CDH13: variants seen among roughly 807,000 people sequenced by gnomAD.
The protein encoded by CDH13 is cadherin-13.
A neutral mutation model predicts 63.8 loss-of-function variants in CDH13; 24 were observed. The observed-to-expected ratio is 0.38, with a 90% CI of 0.27 to 0.53. The LOEUF (loss-of-function observed/expected upper bound fraction) is 0.53. Among genes scored for constraint, CDH13 ranks in the 20% least tolerant of loss-of-function variants. The probability of loss-of-function intolerance (pLI) is 0.85; values close to 1 mark genes in which losing one functional copy is unlikely to be tolerated. For synonymous variants in CDH13, 503 were observed against 355.3 expected, an observed-to-expected ratio of 1.42 and a Z score of -4.67; for missense variants, 1,049 against 903.1, an observed-to-expected ratio of 1.16 and a Z score of -2.07.
chr16:82,895,205 A>G (rs948663015), intron 2 of CDH13, among the ~76,000 whole-genome samples: 10 of 152,172 alleles, frequency 6.6e-5, no homozygotes, highest in Non-Finnish European at 1.3e-4. Flanking sequence ...GCCGTTCTGC[A>G]TTCCTCTACC....
intron 6 of CDH13, among the ~76,000 whole-genome samples, chr16:83,429,718 G>A (rs1418537226): frequency 6.6e-6 from 1 of 152,158 alleles, no homozygotes; most frequent in Non-Finnish European, 1.5e-5. Flanking sequence ...AGGCCCTTTT[G>A]TAAAATACCT....
Position 83,507,332 on chromosome 16 carries a change from G to A in CDH13, c.960+20677G>A, listed in dbSNP as rs138901105. Among the ~76,000 whole-genome samples the A allele has an allele frequency of 1.8e-3, 277 of 152,352 alleles. 1 individual carries two copies. Among genetic ancestry groups the A allele is most frequent in the Middle Eastern group, 6.8e-3 (2 of 294 alleles). ...CTTCAAAGAGGTATTGTTATTAATA[G>A]AGGCTCAGAAGATGGCTGAATGAAT... On this transcript the variant is annotated intron_variant, in intron 7 of 13. Coordinates refer to ENST00000567109, the MANE Select transcript of CDH13 (RefSeq NM_001257.5).
chr16:83,123,380 A>G (rs1223342368), intron 3 of CDH13, among the ~76,000 whole-genome samples: 1 of 151,982 alleles, frequency 6.6e-6, no homozygotes, highest in African/African-American at 2.4e-5. Context: ...CTTGGGTTCA[A>G]GTGATTCTCC....
chr16:82,780,874 T>C (rs2035722873), intron 1 of CDH13, among the ~76,000 whole-genome samples: 1 of 152,258 alleles, frequency 6.6e-6, no homozygotes, highest in Non-Finnish European at 1.5e-5. Context: ...ACAAGGGTTA[T>C]ATTTCATTCT....
chr16:83,277,598 C>G (rs533217275), intron 5 of CDH13, among the ~76,000 whole-genome samples: 1 of 152,254 alleles, frequency 6.6e-6, no homozygotes, highest in South Asian at 2.1e-4. Flanking sequence ...GTTCATCCCT[C>G]TCATATCTCA....
At chr16:83,191,128 G>A (rs1321748853) in intron 4 of CDH13, among the ~76,000 whole-genome samples, 1 of 150,100 alleles carries the variant, frequency 6.7e-6, no homozygotes, top group Non-Finnish European at 1.5e-5. Context: ...TGAAGTTTTT[G>A]TTGTTGTTAT....
intron 9 of CDH13, 34 bp from the exon 10 acceptor site, chr16:83,678,174 T>C: frequency 6.5e-7 from 1 of 1,547,164 alleles, no homozygotes; most frequent in Non-Finnish European, 8.7e-7. Flanking sequence ...TTGTGGCTGG[T>C]GTGCATCCTG....
At chr16:83,569,712 C>G (rs183112363) in intron 7 of CDH13, among the ~76,000 whole-genome samples, 1 of 152,192 alleles carries the variant, frequency 6.6e-6, no homozygotes, top group East Asian at 1.9e-4. Flanking sequence ...GTCTGTCTCT[C>G]TGGGGAAGCC....
intron 10 of CDH13, among the ~76,000 whole-genome samples, chr16:83,701,227 A>G (rs1906171652): frequency 6.6e-6 from 1 of 152,206 alleles, no homozygotes. Context: ...TCAGTCCCTG[A>G]AAAGATGAGA....
intron 3 of CDH13, among the ~76,000 whole-genome samples, chr16:83,120,837 C>T (rs2035537790): frequency 6.8e-6 from 1 of 146,670 alleles, no homozygotes; most frequent in African/African-American, 2.6e-5. Context: ...GATCTCAGCT[C>T]ACTGCAACTT....
At chr16:82,745,518 C>G (rs139912044) in intron 1 of CDH13, among the ~76,000 whole-genome samples, 47 of 152,200 alleles carry the variant, frequency 3.1e-4, no homozygotes, top group Middle Eastern at 3.4e-3. Context: ...GCAGGAGAAT[C>G]ACTTGAACAC....
intron 6 of CDH13, among the ~76,000 whole-genome samples, chr16:83,472,890 A>C (rs992344337): frequency 2.0e-5 from 3 of 152,160 alleles, no homozygotes; most frequent in African/African-American, 7.2e-5. Flanking sequence ...TATGGATCTA[A>C]GTTATCCCTT....
At chr16:83,168,253 C>A (rs2037769263) in intron 4 of CDH13, among the ~76,000 whole-genome samples, 1 of 151,604 alleles carries the variant, frequency 6.6e-6, no homozygotes. Flanking sequence ...AATAAATGAA[C>A]AAAAAAACCC....
intron 5 of CDH13, among the ~76,000 whole-genome samples, chr16:83,301,366 C>T (rs2089739979): frequency 1.3e-5 from 2 of 152,226 alleles, no homozygotes; most frequent in South Asian, 4.2e-4. Flanking sequence ...TTCCCCAGTA[C>T]ATTTATCCAC....
intron 1 of CDH13, among the ~76,000 whole-genome samples, chr16:82,782,392 T>C (rs1173673114): frequency 6.6e-6 from 1 of 152,040 alleles, no homozygotes; most frequent in East Asian, 1.9e-4. Context: ...AAACTCTGTC[T>C]TTACTAAAAA....
chr16:83,315,365 G>A (rs1250166638), intron 5 of CDH13, among the ~76,000 whole-genome samples: 1 of 152,150 alleles, frequency 6.6e-6, no homozygotes, highest in Non-Finnish European at 1.5e-5. Context: ...TGTACAGGAG[G>A]CAAACAAACA....
chr16:83,133,531 C>G (rs1242062961), intron 4 of CDH13, among the ~76,000 whole-genome samples: 1 of 152,142 alleles, frequency 6.6e-6, no homozygotes, highest in African/African-American at 2.4e-5. Context: ...CAGAGTCTTG[C>G]TCTGTCACCC....
chr16:82,917,341 T>G (rs2042022112), intron 2 of CDH13, among the ~76,000 whole-genome samples: 2 of 152,084 alleles, frequency 1.3e-5, no homozygotes, highest in African/African-American at 4.8e-5. Flanking sequence ...AAAGAACATT[T>G]CAACTCAGGT....
At chr16:82,664,714 A>C (rs2150931966) in intron 1 of CDH13, among the ~76,000 whole-genome samples, 1 of 152,330 alleles carries the variant, frequency 6.6e-6, no homozygotes, top group African/African-American at 2.4e-5. Context: ...ATTAACTAAC[A>C]ATTTCACTTT....
Sources: gnomAD v4.1 joint callset for allele counts (sites outside exome capture counted in the v4.1 genomes callset) on GRCh38, gnomAD v4.1.1 for gene constraint, MANE v1.5 for transcripts, NCBI Gene and HGNC (gene_info 2026-07-23, HGNC 2026-07-21) for gene names.